Variants in CAMK4 observed in about 807,000 individuals in gnomAD.
CAMK4 encodes the protein calcium/calmodulin-dependent protein kinase type IV.
In CAMK4, 22 loss-of-function variants were observed where a neutral mutation model predicts 44.9. The ratio of observed to expected loss-of-function variants is 0.49; its 90% CI spans 0.35 to 0.70. The LOEUF is 0.70. Ranked by LOEUF, CAMK4 falls within the 30% of genes least tolerant of loss-of-function variation. CAMK4 has a pLI of 0.01. For missense variants in CAMK4, 498 were observed against 586.8 expected, an observed-to-expected ratio of 0.85 and a Z score of 1.56; for synonymous variants, 218 against 215.4, an observed-to-expected ratio of 1.01 and a Z score of -0.11.
At chr5:111,340,893 C>T (rs1035909703) in intron 1 of CAMK4, among the ~76,000 whole-genome samples, 3 of 150,590 alleles carry the variant, frequency 2.0e-5, no homozygotes, top group Non-Finnish European at 4.5e-5. Context: ...TCTTCTTACT[C>T]ATTATTGGTC....
At chr5:111,352,695 AAGAG>A (rs1381675033) in intron 2 of CAMK4, among the ~76,000 whole-genome samples, 1 of 142,002 alleles carries the variant, frequency 7.0e-6, no homozygotes, top group Non-Finnish European at 1.6e-5. Context: ...GAGAGGGGGA[AAGAG>A]AGAGAAAGAA....
At chr5:111,483,902 A>C (rs1479294749) in intron 10 of CAMK4, 124 bp from the exon 11 acceptor site, 3 of 618,086 alleles carry the variant, frequency 4.9e-6, no homozygotes. Flanking sequence ...TCTAGGAATA[A>C]GGTACTTTGA....
intron 5 of CAMK4, among the ~76,000 whole-genome samples, chr5:111,431,349 C>G (rs1369047475): frequency 6.6e-6 from 1 of 152,038 alleles, no homozygotes; most frequent in Non-Finnish European, 1.5e-5. Context: ...TTGCTGTATA[C>G]AAAAATTAAA....
chr5:111,298,677 A>G (rs1468295415), intron 1 of CAMK4, among the ~76,000 whole-genome samples: 3 of 152,212 alleles, frequency 2.0e-5, no homozygotes, highest in Non-Finnish European at 4.4e-5. Context: ...CTGAAGAAGC[A>G]CAAGTTACTG....
rs139875765 is a variant in CAMK4 at position 111,231,090 on chromosome 5, A to G, written c.161+6446A>G. Among the ~76,000 whole-genome samples, 343 of 152,286 alleles carry G rather than the reference A, an allele frequency of 2.3e-3. 1 individual carries two copies. Among genetic ancestry groups the G allele is most frequent in the Middle Eastern group, 0.014 (4 of 294 alleles). On this transcript the variant is annotated intron_variant, in intron 1 of 10. Transcript: ENST00000282356. ...ATTATCTGAAGATTTCATGACTCCA[A>G]TGGTTTAATTAGGAAGTTAGGTCTA...
chr5:111,368,335 T>C (rs1750875403), intron 2 of CAMK4, among the ~76,000 whole-genome samples: 1 of 152,134 alleles, frequency 6.6e-6, no homozygotes, highest in Non-Finnish European at 1.5e-5. Context: ...AGTTATTTTC[T>C]AGGAAAATAT....
At chr5:111,285,492 A>T (rs1751204153) in intron 1 of CAMK4, among the ~76,000 whole-genome samples, 1 of 152,212 alleles carries the variant, frequency 6.6e-6, no homozygotes, top group African/African-American at 2.4e-5. Flanking sequence ...AAACACACTT[A>T]AAAGTGCTGC....
At chr5:111,396,003 A>G (rs1179819946) in intron 5 of CAMK4, among the ~76,000 whole-genome samples, 1 of 152,172 alleles carries the variant, frequency 6.6e-6, no homozygotes, top group African/African-American at 2.4e-5. Context: ...CAGTGACAGA[A>G]GCACAGGTCC....
intron 1 of CAMK4, among the ~76,000 whole-genome samples, chr5:111,323,126 A>T (rs1170384924): frequency 6.6e-6 from 1 of 152,110 alleles, no homozygotes; most frequent in African/African-American, 2.4e-5. Flanking sequence ...GCTGGTAAAG[A>T]ACATTACAGA....
At position 111,448,720 on chromosome 5, in the gene CAMK4, G is replaced by A. The variant is rs189230346; in HGVS notation, c.551-409G>A. Among the ~76,000 whole-genome samples, 18 of 152,184 alleles carry A rather than the reference G, an allele frequency of 1.2e-4. No homozygotes were observed. In the East Asian group the frequency reaches 3.3e-3, roughly 28 times the overall value. Reference sequence around the variant, plus strand: ...ACTTGGGAGGCTGAGTCAGAGAATTGCTTGAACCCGGGAGGCAGAGGTTAC... The same window carrying A: ...ACTTGGGAGGCTGAGTCAGAGAATTACTTGAACCCGGGAGGCAGAGGTTAC... On this transcript the variant is annotated intron_variant, in intron 6 of 10. Transcript: ENST00000282356.
At chr5:111,260,352 A>G (rs1451096644) in intron 1 of CAMK4, among the ~76,000 whole-genome samples, 1 of 152,126 alleles carries the variant, frequency 6.6e-6, no homozygotes, top group Non-Finnish European at 1.5e-5. Context: ...TCTGAAATTC[A>G]TTCCTTTGGC....
chr5:111,418,065 T>C (rs1219837515), intron 5 of CAMK4, among the ~76,000 whole-genome samples: 2 of 152,116 alleles, frequency 1.3e-5, no homozygotes, highest in Non-Finnish European at 2.9e-5. Flanking sequence ...AATATATCTG[T>C]TGGGGAATCT....
intron 7 of CAMK4, among the ~76,000 whole-genome samples, chr5:111,467,644 G>A (rs564778647): frequency 3.9e-5 from 6 of 152,024 alleles, no homozygotes; most frequent in South Asian, 2.1e-4. Context: ...AATCAACACC[G>A]CAATGCAATG....
Position 111,290,684 on chromosome 5 carries a change from T to C in CAMK4, c.162-53340T>C, listed in dbSNP as rs893666088. Reference sequence around the variant, plus strand: ...CCACTGGTGTTTCCACATTTGTGAGTTGCATATGTGCGGGTGCCATGGGGT... The same window carrying C: ...CCACTGGTGTTTCCACATTTGTGAGCTGCATATGTGCGGGTGCCATGGGGT... On this transcript the variant is annotated intron_variant, in intron 1 of 10. Coordinates refer to ENST00000282356, the MANE Select transcript of CAMK4 (RefSeq NM_001744.6). The surrounding 1 kb of genome is among the most constrained non-coding windows in gnomAD (Gnocchi z 4.5). Among the ~76,000 whole-genome samples, 5 of 152,248 alleles carry C rather than the reference T, an allele frequency of 3.3e-5. No individual in the cohort carries two copies. The highest frequency in any genetic ancestry group is 2.1e-4 in the South Asian group (1 of 4,830).
intron 5 of CAMK4, among the ~76,000 whole-genome samples, chr5:111,441,808 T>A (rs1166699318): frequency 6.6e-6 from 1 of 152,228 alleles, no homozygotes; most frequent in African/African-American, 2.4e-5. Flanking sequence ...AATATCTTGG[T>A]AAGATATGTT....
At chr5:111,381,257 G>A (rs975569171) in intron 4 of CAMK4, among the ~76,000 whole-genome samples, 3 of 152,110 alleles carry the variant, frequency 2.0e-5, no homozygotes, top group Non-Finnish European at 4.4e-5. Context: ...ATATGTAGGG[G>A]AGTTTATTAG....
rs79290824 is a variant in CAMK4 at position 111,310,527 on chromosome 5, C to G, written c.162-33497C>G. On this transcript the variant is annotated intron_variant, in intron 1 of 10. Coordinates refer to ENST00000282356, the MANE Select transcript of CAMK4 (RefSeq NM_001744.6). ...TTGAAAGGTTTTAAAAAGAAGATGT[C>G]GCTTTAGGACTCAAGCTTACTTTGA... is the stretch of plus-strand genomic sequence containing the variant. Among the ~76,000 whole-genome samples the G allele has an allele frequency of 4.2e-3, 642 of 152,194 alleles. 5 individuals carry two copies. Among genetic ancestry groups the G allele is most frequent in the African/African-American group, 0.014 (590 of 41,502 alleles).
At chr5:111,447,127 C>T (rs1754057955) in intron 6 of CAMK4, among the ~76,000 whole-genome samples, 1 of 152,106 alleles carries the variant, frequency 6.6e-6, no homozygotes, top group Admixed American at 6.5e-5. Context: ...AACTTTTATT[C>T]CACAGATTGC....
At chr5:111,447,841 G>T (rs1179045985) in intron 6 of CAMK4, among the ~76,000 whole-genome samples, 1 of 152,228 alleles carries the variant, frequency 6.6e-6, no homozygotes, top group Non-Finnish European at 1.5e-5. Context: ...TGAAAGTCCT[G>T]CTGGGCAGCC....
Sources: allele counts gnomAD v4.1 joint callset (sites outside exome capture counted in the v4.1 genomes callset), GRCh38; gene constraint gnomAD v4.1.1; non-coding constraint Gnocchi (gnomAD v3.1); transcripts MANE v1.5; gene names NCBI Gene and HGNC (gene_info 2026-07-23, HGNC 2026-07-21).